SCN10A: variants seen among roughly 807,000 people sequenced by gnomAD.
The protein encoded by SCN10A is sodium voltage-gated channel alpha subunit 10.
Under a neutral mutation model 170.7 loss-of-function variants are expected in SCN10A, and 162 were observed. That is an observed-to-expected ratio of 0.95 (90% confidence interval 0.84 to 1.08). SCN10A has a LOEUF of 1.08. Ranked by LOEUF, SCN10A falls within the 50% of genes least tolerant of loss-of-function variation. The pLI, the probability that SCN10A is intolerant of heterozygous loss-of-function variation, is 0.00. For missense variants in SCN10A, 2,527 were observed against 2,436.9 expected (o/e 1.04, Z -0.78); for synonymous variants, 985 against 904.6 (o/e 1.09, Z -1.59).
chr3:38,709,550 A>T lies in SCN10A; in HGVS notation c.4209T>A (p.Ile1403=). Residue 1403 remains isoleucine, a synonymous_variant, in exon 25 of 28, where the codon ATT becomes ATA. Transcript: ENST00000449082. ...GATTCAGTGTGAAGAAGCCTCCAAA[A>T]ATGATGAAGATGACAAAGTACAAAT... ...YMYLYFVIFI[I]FGGFFTLNLF... is the part of the protein sequence containing the mutation. 1 of 1,613,336 alleles carries T rather than the reference A, an allele frequency of 6.2e-7. No individual in the cohort carries two copies. The highest frequency in any genetic ancestry group is 8.5e-7 in the Non-Finnish European group (1 of 1,179,658).
At chr3:38,741,515 G>A (rs1252789236) in intron 14 of SCN10A, among the ~76,000 whole-genome samples, 1 of 152,186 alleles carries the variant, frequency 6.6e-6, no homozygotes, top group Non-Finnish European at 1.5e-5. Context: ...TAGGGTTGTT[G>A]TGAAAATAAA....
intron 11 of SCN10A, among the ~76,000 whole-genome samples, chr3:38,753,711 A>C (rs1307423767): frequency 6.6e-5 from 10 of 152,214 alleles, no homozygotes; most frequent in Admixed American, 6.5e-4. Context: ...CATTATTTGC[A>C]CTTGAGCACC....
intron 5 of SCN10A, among the ~76,000 whole-genome samples, chr3:38,767,319 G>A (rs1407451780): frequency 1.3e-5 from 2 of 151,402 alleles, no homozygotes; most frequent in Non-Finnish European, 3.0e-5. Flanking sequence ...ATTCCTTGAG[G>A]TGTGACCTTA....
At chr3:38,757,978 A>G (rs898065392) in intron 8 of SCN10A, among the ~76,000 whole-genome samples, 2 of 152,208 alleles carry the variant, frequency 1.3e-5, no homozygotes, top group Non-Finnish European at 2.9e-5. Flanking sequence ...TGGCCTGATC[A>G]ATGAAACAGC....
chr3:38,770,383 G>C (rs1346808885), intron 5 of SCN10A, among the ~76,000 whole-genome samples: 1 of 152,180 alleles, frequency 6.6e-6, no homozygotes, highest in Non-Finnish European at 1.5e-5. Context: ...GGGGGCAGGG[G>C]TAGGTGAGTC....
intron 14 of SCN10A, 43 bp downstream of exon 14, chr3:38,742,248 C>A: frequency 6.7e-7 from 1 of 1,502,430 alleles, no homozygotes; most frequent in Non-Finnish European, 9.2e-7. Flanking sequence ...CCCCACCCCG[C>A]CCCGACCACG....
intron 14 of SCN10A, 69 bp from the exon 15 acceptor site, chr3:38,739,757 C>G (rs2063611396): frequency 8.1e-7 from 1 of 1,237,512 alleles, no homozygotes; most frequent in South Asian, 1.4e-5. Flanking sequence ...AAAATGGCAG[C>G]AAGAAAATGT....
intron 1 of SCN10A, among the ~76,000 whole-genome samples, chr3:38,803,496 T>C (rs1333820594): frequency 2.6e-5 from 4 of 152,084 alleles, no homozygotes; most frequent in Non-Finnish European, 4.4e-5. Flanking sequence ...TCATGTCCTT[T>C]GTAGGGACAT....
At chr3:38,784,274 C>A (rs149879183) in intron 4 of SCN10A, among the ~76,000 whole-genome samples, 28 of 152,160 alleles carry the variant, frequency 1.8e-4, no homozygotes, top group African/African-American at 6.0e-4. Context: ...TTTCAAAAAG[C>A]TTATCCACCA....
At chr3:38,739,733 C>A in intron 14 of SCN10A, 45 bp from the exon 15 acceptor site, 2 of 1,464,078 alleles carry the variant, frequency 1.4e-6, no homozygotes, top group Non-Finnish European at 1.9e-6. Flanking sequence ...TCTGTGGGGT[C>A]GGAGGCAATG....
chr3:38,709,498 A>G lies in SCN10A; in HGVS notation c.4261T>C (p.Phe1421Leu). The change falls in exon 25 of 28, where the codon TTC (phenylalanine) becomes CTC (leucine). Residue 1421 changes from phenylalanine (F) to leucine (L), a missense_variant. Phe to Leu is a conservative substitution (Grantham distance 22). Coordinates refer to ENST00000449082, the MANE Select transcript of SCN10A (RefSeq NM_006514.4). ...CTTATCTTTTTTTTCTGTTGATTGA[A>G]GTTGTCAATTATGACCCCAACAAAG... ...NLFVGVIIDN[F>L]NQQKKKLGGQ... The G allele has an allele frequency of 1.9e-6, 3 of 1,609,934 alleles. No homozygotes were observed. The highest frequency in any genetic ancestry group is 2.5e-6 in the Non-Finnish European group (3 of 1,178,738).
intron 5 of SCN10A, among the ~76,000 whole-genome samples, chr3:38,765,258 T>G (rs2063919106): frequency 6.6e-6 from 1 of 152,224 alleles, no homozygotes; most frequent in African/African-American, 2.4e-5. Flanking sequence ...GGATTTGCTT[T>G]GGGTCCTTGG....
At chr3:38,736,367 G>GTGTC (rs1377055022) in intron 15 of SCN10A, among the ~76,000 whole-genome samples, 2 of 109,892 alleles carry the variant, frequency 1.8e-5, no homozygotes, top group Non-Finnish European at 3.7e-5. Context: ...AACTCTGTGT[G>GTGTC]TGTGTGTGTG....
intron 1 of SCN10A, among the ~76,000 whole-genome samples, chr3:38,796,245 G>A (rs1299118209): frequency 6.6e-6 from 1 of 151,974 alleles, no homozygotes; most frequent in African/African-American, 2.4e-5. Context: ...TCCACAACCT[G>A]GGTACCATAA....
intron 2 of SCN10A, among the ~76,000 whole-genome samples, chr3:38,792,980 C>CTTT (rs1479477820): frequency 2.0e-5 from 3 of 151,358 alleles, no homozygotes; most frequent in African/African-American, 7.3e-5. Flanking sequence ...TGCTTATATA[C>CTTT]CTATATATAC....
At chr3:38,755,292 A>T (rs2063791194) in intron 11 of SCN10A, among the ~76,000 whole-genome samples, 1 of 152,048 alleles carries the variant, frequency 6.6e-6, no homozygotes, top group Non-Finnish European at 1.5e-5. Context: ...CGCATCAGAA[A>T]AAAAAAAGGT....
At chr3:38,791,185 C>T (rs1358365991) in intron 3 of SCN10A, among the ~76,000 whole-genome samples, 1 of 152,150 alleles carries the variant, frequency 6.6e-6, no homozygotes, top group African/African-American at 2.4e-5. Flanking sequence ...GTACATCAAC[C>T]TCCTGCAAGC....
At position 38,726,765 on chromosome 3, in the gene SCN10A, A is replaced by T; in HGVS notation, c.2928T>A (p.Ala976=). ...TARGSSGGLQ[A]PRGPRDEHSD... is the part of the protein sequence containing the mutation. ...TGTGCTCATCCCTGGGGCCTCTGGGAGCTTGGAGCCCTCCAGAGCTCCCCC... is the reference window on the plus strand; with the variant it reads ...TGTGCTCATCCCTGGGGCCTCTGGGTGCTTGGAGCCCTCCAGAGCTCCCCC... Residue 976 remains alanine (A), a synonymous_variant, in exon 17 of 28, where the codon GCT becomes GCA. Coordinates refer to ENST00000449082, the MANE Select transcript of SCN10A (RefSeq NM_006514.4). 1 of 1,611,504 alleles carries T rather than the reference A, an allele frequency of 6.2e-7. No homozygotes were observed. Among genetic ancestry groups the T allele is most frequent in the Non-Finnish European group, 8.5e-7 (1 of 1,177,830 alleles).
At chr3:38,762,717 T>G (rs1466567243) in intron 6 of SCN10A, among the ~76,000 whole-genome samples, 1 of 152,100 alleles carries the variant, frequency 6.6e-6, no homozygotes, top group Non-Finnish European at 1.5e-5. Flanking sequence ...GTGTGTCCAG[T>G]GGGAATTGGC....
Sources: allele counts gnomAD v4.1 joint callset (sites outside exome capture counted in the v4.1 genomes callset), GRCh38; gene constraint gnomAD v4.1.1; transcripts MANE v1.5; gene names NCBI Gene and HGNC (gene_info 2026-07-23, HGNC 2026-07-21).